Variants in FLYWCH2 observed in about 807,000 individuals in gnomAD.
FLYWCH2 encodes FLYWCH family member 2.
Under a neutral mutation model 6.0 loss-of-function variants are expected in FLYWCH2, and 2 were observed. That is an observed-to-expected ratio of 0.33 (90% CI 0.14 to 1.04). The LOEUF is 1.04. Ranked by LOEUF, FLYWCH2 falls within the 50% of genes least tolerant of loss-of-function variation. The probability of loss-of-function intolerance (pLI) is 0.45; values close to 1 mark genes in which losing one functional copy is unlikely to be tolerated. For synonymous variants in FLYWCH2, 87 were observed against 79.3 expected, an observed-to-expected ratio of 1.10 and a Z score of -0.52; for missense variants, 192 against 183.4, an observed-to-expected ratio of 1.05 and a Z score of -0.27.
chr16:2,889,535 CT>C, intron 1 of FLYWCH2, among the ~76,000 whole-genome samples: 1 of 119,550 alleles, frequency 8.4e-6, no homozygotes, highest in South Asian at 2.8e-4. Context: ...AGAAAAAGCA[CT>C]AGGAAAGACT....
rs1063676 is a variant in FLYWCH2, at chr16:2,883,279, G to C, written c.-287G>C. 0.33 allele frequency: 50,054 copies of C among 152,266 alleles called. 8,900 individuals are homozygous for C. Among genetic ancestry groups the C allele is most frequent in the South Asian group, 0.53 (2,554 of 4,826 alleles). 9.4% of individuals were successfully genotyped at this position (152,266 alleles called of 1,614,324 possible). A position where few individuals can be genotyped will look rare whatever the true frequency, so the allele number is the denominator to read the frequency against. ...GCTGTGACCCCGGCTTGAGGTAACA[G>C]CGCGAGCTGAGGCTGGGGCCCTTGG... On this transcript the variant is annotated 5_prime_UTR_variant, in exon 1 of 4. Transcript: ENST00000396958.
chr16:2,886,910 T>C (rs2069705118), intron 1 of FLYWCH2, among the ~76,000 whole-genome samples: 2 of 152,116 alleles, frequency 1.3e-5, no homozygotes, highest in South Asian at 4.1e-4. Context: ...CCTTATCAGA[T>C]ATATGATTTG....
chr16:2,891,840 T>C (rs935969476), intron 1 of FLYWCH2, among the ~76,000 whole-genome samples: 1 of 151,566 alleles, frequency 6.6e-6, no homozygotes, highest in Non-Finnish European at 1.5e-5. Flanking sequence ...AGCTGCAATC[T>C]CAGGTTGCTA....
chr16:2,895,159 G>A (rs1376779689), intron 1 of FLYWCH2, 61 bp from the exon 2 acceptor site: 2 of 152,252 alleles, frequency 1.3e-5, no homozygotes, highest in Non-Finnish European at 2.9e-5. Context: ...TGCAGCACCA[G>A]TGTGGGGTGG....
In FLYWCH2 at chr16:2,896,708, G is replaced by T. The variant is rs2069825816; in HGVS notation, c.259G>T (p.Ala87Ser). 1.9e-6 allele frequency: 3 copies of T among 1,612,544 alleles called. No individual in the cohort carries two copies. The highest frequency in any genetic ancestry group is 2.2e-5 in the South Asian group (2 of 91,070). The change falls in exon 3 of 4, where the codon GCC becomes TCC. Residue 87 changes from alanine (A) to serine (S), a missense_variant. Physicochemically the swap from Ala to Ser is moderately conservative, Grantham distance 99. Transcript: ENST00000396958. The stretch of plus-strand genomic sequence containing the variant: ...GGCCCTCCTCCAGACCCACCCCGAG[G>T]CCCAGCGGGCCATTGAGGCAGCCCC... ...AKALLQTHPE[A>S]QRAIEAAPQE...
In FLYWCH2 at chr16:2,896,637, A is replaced by G. The variant is rs759163464; in HGVS notation, c.188A>G (p.His63Arg). 1.2e-6 allele frequency: 2 copies of G among 1,613,828 alleles called. No individual in the cohort carries two copies. Among genetic ancestry groups the G allele is most frequent in the Admixed American group, 1.7e-5 (1 of 60,016 alleles). The change falls in exon 3 of 4, where the codon CAC (histidine) becomes CGC (arginine). Residue 63 changes from histidine (H) to arginine (R), a missense_variant. Physicochemically the swap from His to Arg is conservative, Grantham distance 29. Transcript: ENST00000396958. The stretch of plus-strand genomic sequence containing the variant: ...GCGGGGGCCAAGCGCAAGGGTGTGC[A>G]CTGTGTCATGTCCCTGGGGGTGCCC... The part of the protein sequence containing the change: ...KVAGAKRKGV[H>R]CVMSLGVPGP...
chr16:2,892,568 G>A (rs1006220868), intron 1 of FLYWCH2, among the ~76,000 whole-genome samples: 1 of 144,324 alleles, frequency 6.9e-6, no homozygotes, highest in Non-Finnish European at 1.5e-5. Flanking sequence ...AAATGCAGTC[G>A]GGCACAGTGG....
In FLYWCH2 at chr16:2,897,927, G is replaced by A. The variant is rs541820490; in HGVS notation, c.323-1122G>A. Among the ~76,000 whole-genome samples the A allele has an allele frequency of 1.7e-3, 261 of 152,350 alleles. 3 individuals carry two copies. Among genetic ancestry groups the A allele is most frequent in the African/African-American group, 5.6e-3 (234 of 41,586 alleles). On this transcript the variant is annotated intron_variant, in intron 3 of 3. Transcript: ENST00000396958. The stretch of plus-strand genomic sequence containing the variant: ...CTCTGCCGTGCCCTGAGAAGAAGAG[G>A]CGTAGCAGGTGGCCTTGGCTTGTGA...
At chr16:2,885,309 T>G (rs1243689652) in intron 1 of FLYWCH2, among the ~76,000 whole-genome samples, 1 of 151,826 alleles carries the variant, frequency 6.6e-6, no homozygotes, top group African/African-American at 2.4e-5. Context: ...AGAGCGAGAC[T>G]CCGTCTCAAA....
chr16:2,883,581 C>T (rs1278848303), intron 1 of FLYWCH2, among the ~76,000 whole-genome samples: 1 of 152,092 alleles, frequency 6.6e-6, no homozygotes, highest in Non-Finnish European at 1.5e-5. Flanking sequence ...AAAGCCTCAA[C>T]ACCCCCACAC....
chr16:2,885,166 C>CA (rs2069684354), intron 1 of FLYWCH2, among the ~76,000 whole-genome samples: 1 of 151,764 alleles, frequency 6.6e-6, no homozygotes, highest in Non-Finnish European at 1.5e-5. Context: ...ACTAAAAATA[C>CA]AAAAAATTAG....
chr16:2,884,737 G>C (rs2069679700), intron 1 of FLYWCH2, among the ~76,000 whole-genome samples: 1 of 151,622 alleles, frequency 6.6e-6, no homozygotes, highest in African/African-American at 2.4e-5. Context: ...AGCCGGGTGT[G>C]GTGGTGCACG....
intron 1 of FLYWCH2, among the ~76,000 whole-genome samples, chr16:2,885,056 C>T (rs950792982): frequency 5.3e-5 from 8 of 152,034 alleles, no homozygotes; most frequent in Non-Finnish European, 1.0e-4. Context: ...GGCGCGGTGG[C>T]TCACGCCTGT....
At chr16:2,887,309 C>CTTTTT (rs1404704064) in intron 1 of FLYWCH2, among the ~76,000 whole-genome samples, 2 of 119,092 alleles carry the variant, frequency 1.7e-5, no homozygotes, top group African/African-American at 3.2e-5. Flanking sequence ...CCATGCCCGG[C>CTTTTT]TTTCTTTTTT....
At chr16:2,896,943 C>A in intron 3 of FLYWCH2, 172 bp downstream of exon 3, 1 of 666,920 alleles carries the variant, frequency 1.5e-6, no homozygotes, top group Non-Finnish European at 2.5e-6. Context: ...TGGGCATCCG[C>A]CGACCTCCAA....
chr16:2,886,430 ACTC>A (rs2069699263), intron 1 of FLYWCH2, among the ~76,000 whole-genome samples: 1 of 148,038 alleles, frequency 6.8e-6, no homozygotes, highest in South Asian at 2.1e-4. Context: ...CTGATCTCGA[ACTC>A]CTGACCTCAG....
In FLYWCH2 at chr16:2,896,565, T is replaced by A. The variant is rs2069822574; in HGVS notation, c.116T>A (p.Phe39Tyr). The change falls in exon 3 of 4, where the codon TTC becomes TAC. Residue 39 changes from phenylalanine (F) to tyrosine (Y), a missense_variant. Phe to Tyr is a conservative substitution (Grantham distance 22). Coordinates refer to ENST00000396958, the MANE Select transcript of FLYWCH2 (RefSeq NM_138439.3). ...IPAAPRKPRK[F>Y]SKLVLLTASK... is the part of the protein sequence containing the mutation. Reference sequence around the variant, plus strand: ...GCAGCCCCCAGGAAGCCCAGAAAGTTCTCCAAACTGGTCCTGCTCACAGCC... The same window carrying A: ...GCAGCCCCCAGGAAGCCCAGAAAGTACTCCAAACTGGTCCTGCTCACAGCC... The A allele has an allele frequency of 6.2e-7, 1 of 1,613,822 alleles. No individual in the cohort carries two copies. Among genetic ancestry groups the A allele is most frequent in the African/African-American group, 1.3e-5 (1 of 74,852 alleles).
At position 2,899,293 on chromosome 16, in the gene FLYWCH2, G is replaced by A. The variant is rs546220850; in HGVS notation, c.*144G>A. The A allele has an allele frequency of 2.1e-5, 11 of 524,202 alleles. No individual in the cohort carries two copies. The East Asian group carries it at 3.0e-4, about 14-fold the overall frequency. The allele number at this position is 524,202 out of a possible 1,614,324, so 32.5% of individuals were successfully genotyped here. On this transcript the variant is annotated 3_prime_UTR_variant, in exon 4 of 4. Transcript: ENST00000396958. ...CTTTTTTTTTTTTTTTTTAGATCAA[G>A]TATAAGTTACTTTTGTAAGCAGAAA...
At chr16:2,897,798 G>T (rs1291198648) in intron 3 of FLYWCH2, among the ~76,000 whole-genome samples, 1 of 152,246 alleles carries the variant, frequency 6.6e-6, no homozygotes, top group South Asian at 2.1e-4. Flanking sequence ...GAGGAAATGG[G>T]CTGGGTACAC....
Sources: gnomAD v4.1 joint callset for allele counts (sites outside exome capture counted in the v4.1 genomes callset) on GRCh38, gnomAD v4.1.1 for gene constraint, MANE v1.5 for transcripts, NCBI Gene and HGNC (gene_info 2026-07-23, HGNC 2026-07-21) for gene names.